TENM3: variants seen among roughly 807,000 people sequenced by gnomAD.
TENM3 encodes teneurin transmembrane protein 3, also known as teneurin-3.
In TENM3, 63 loss-of-function variants were observed where a neutral mutation model predicts 255.1. The ratio of observed to expected loss-of-function variants is 0.25; its 90% CI spans 0.20 to 0.30. TENM3 has a LOEUF of 0.30. TENM3 is among the 10% of genes least tolerant of loss of function. TENM3 has a pLI of 1.00. For missense variants in TENM3, 2,929 were observed against 3,461.1 expected (o/e 0.85, Z 3.86); for synonymous variants, 1,306 against 1,322.3 (o/e 0.99, Z 0.27).
the TENM3 span, among the ~76,000 whole-genome samples, chr4:181,667,123 T>C: frequency 2.0e-5 from 3 of 152,268 alleles, no homozygotes; most frequent in East Asian, 3.9e-4. Context: ...TAATTTTGCT[T>C]CTTCCTAGAT....
the TENM3 span, among the ~76,000 whole-genome samples, chr4:181,551,886 G>GTA: frequency 3.5e-5 from 4 of 113,726 alleles, no homozygotes; most frequent in South Asian, 2.6e-4. Context: ...GTGTGTGTGT[G>GTA]TGTATATAAA....
rs17072847 is a variant in TENM3, at chr4:182,198,644, T to C, written c.-76+53890T>C. 8.9e-3 allele frequency among the ~76,000 whole-genome samples: 1,359 copies of C among 152,300 alleles called. 34 individuals carry two copies. Among genetic ancestry groups the C allele is most frequent in the Admixed American group, 0.045 (692 of 15,296 alleles). ...AGCTGACAGGAAAAGTCAGCGGCAA[T>C]GGAAATAGGTGCAGGCGACCATTTC... On this transcript the variant is annotated intron_variant, in intron 1 of 2. Coordinates refer to the TENM3 transcript ENST00000512480.
chr4:182,567,842 CAAA>C (rs199801857), intron 3 of TENM3, among the ~76,000 whole-genome samples: 29 of 127,278 alleles, frequency 2.3e-4, no homozygotes, highest in African/African-American at 8.9e-4. Context: ...GAATGTAATC[CAAA>C]AAAAAAAAAA....
chr4:181,936,513 A>G, the TENM3 span, among the ~76,000 whole-genome samples: 2 of 152,288 alleles, frequency 1.3e-5, no homozygotes, highest in Non-Finnish European at 2.9e-5. Flanking sequence ...CTCTTTCAAT[A>G]ACCATTTCTT....
chr4:182,210,186 G>A (rs529330031), intron 1 of TENM3, among the ~76,000 whole-genome samples: 2 of 152,186 alleles, frequency 1.3e-5, no homozygotes, highest in Admixed American at 6.5e-5. Context: ...CGGTCACACC[G>A]ACACCATCAG....
chr4:182,213,473 A>C (rs1465326710), intron 1 of TENM3, among the ~76,000 whole-genome samples: 1 of 152,246 alleles, frequency 6.6e-6, no homozygotes, highest in Non-Finnish European at 1.5e-5. Context: ...AAAGAAATTA[A>C]GATAGCCTTT....
At chr4:181,544,603 T>G in the TENM3 span, among the ~76,000 whole-genome samples, 2 of 152,184 alleles carry the variant, frequency 1.3e-5, no homozygotes, top group Non-Finnish European at 2.9e-5. Context: ...CAAACATATT[T>G]TAATATTAGT....
chr4:181,548,842 A>G, the TENM3 span, among the ~76,000 whole-genome samples: 1 of 152,092 alleles, frequency 6.6e-6, no homozygotes, highest in Non-Finnish European at 1.5e-5. Context: ...CATTTGTGAT[A>G]TTAAAAGTAT....
At chr4:181,766,019 C>A in the TENM3 span, among the ~76,000 whole-genome samples, 6 of 152,080 alleles carry the variant, frequency 3.9e-5, no homozygotes, top group Non-Finnish European at 7.4e-5. Flanking sequence ...TAGTTTATAT[C>A]AGAAAGAAAC....
chr4:182,476,834 A>G (rs1286981955), intron 3 of TENM3, among the ~76,000 whole-genome samples: 3 of 152,174 alleles, frequency 2.0e-5, no homozygotes, highest in Non-Finnish European at 4.4e-5. Context: ...ACAGGAGGTC[A>G]TTACTGACAT....
At chr4:181,739,221 A>T in the TENM3 span, among the ~76,000 whole-genome samples, 5 of 152,204 alleles carry the variant, frequency 3.3e-5, no homozygotes, top group Admixed American at 6.5e-5. Flanking sequence ...CAGGGGTCCA[A>T]TAATGATGTT....
intron 1 of TENM3, among the ~76,000 whole-genome samples, chr4:182,231,864 A>G (rs1477488274): frequency 1.3e-5 from 2 of 152,208 alleles, no homozygotes; most frequent in Non-Finnish European, 2.9e-5. Flanking sequence ...AGCCATTTCT[A>G]AAGATCTGGG....
rs1766241894 is a variant in TENM3 at position 182,793,213 on chromosome 4, A to C, written c.6541A>C (p.Ile2181Leu). ...CCTTCGCTATGACCTGCGAGACAGA[A>C]TCACTCGACTGGGTGATGTTCAATA... The part of the protein sequence containing the change: ...TPLRYDLRDR[I>L]TRLGDVQYRL... The change falls in exon 26 of 28, where the codon ATC becomes CTC. Residue 2181 changes from isoleucine (I) to leucine (L), a missense_variant. Ile to Leu is a conservative substitution (Grantham distance 5, BLOSUM62 2). This residue lies in a region of TENM3 where 256 missense variants were observed against 389.3 expected (regional missense o/e 0.66). Coordinates refer to ENST00000511685, the MANE Select transcript of TENM3 (RefSeq NM_001080477.4). This position sits in a 1 kb window ranked among gnomAD's most constrained non-coding sequence, Gnocchi z 5.7. 1 of 1,613,924 alleles carries C rather than the reference A, an allele frequency of 6.2e-7. No homozygotes were observed.
chr4:182,598,976 T>C (rs542939926), intron 3 of TENM3, among the ~76,000 whole-genome samples: 1 of 152,364 alleles, frequency 6.6e-6, no homozygotes, highest in East Asian at 1.9e-4. Flanking sequence ...CATGGAGTCA[T>C]CTGACCCATA....
chr4:182,182,660 G>T (rs1167436825), intron 1 of TENM3, among the ~76,000 whole-genome samples: 1 of 152,156 alleles, frequency 6.6e-6, no homozygotes, highest in Non-Finnish European at 1.5e-5. Context: ...TAGACGCCCT[G>T]AGTTATCAGC....
the TENM3 span, among the ~76,000 whole-genome samples, chr4:181,516,759 A>G: frequency 2.0e-5 from 3 of 148,268 alleles, no homozygotes; most frequent in Non-Finnish European, 4.5e-5. Context: ...CTGGGCAACA[A>G]GGGCGAAACT....
At chr4:181,806,830 C>A in the TENM3 span, among the ~76,000 whole-genome samples, 5 of 152,224 alleles carry the variant, frequency 3.3e-5, no homozygotes, top group African/African-American at 9.6e-5. Flanking sequence ...AGGGCCTTTG[C>A]TTCCATGGGC....
intron 1 of TENM3, among the ~76,000 whole-genome samples, chr4:182,150,519 C>T (rs2149577254): frequency 6.6e-6 from 1 of 151,716 alleles, no homozygotes; most frequent in Admixed American, 6.6e-5. Flanking sequence ...TATACAGTTG[C>T]TTATACTGAT....
At chr4:182,423,579 T>G (rs949765098) in intron 3 of TENM3, among the ~76,000 whole-genome samples, 2 of 152,130 alleles carry the variant, frequency 1.3e-5, no homozygotes, top group South Asian at 4.1e-4. Flanking sequence ...GAGCACTAGA[T>G]GAGAGAACAA....
Sources: allele counts gnomAD v4.1 joint callset (sites outside exome capture counted in the v4.1 genomes callset), GRCh38; gene constraint gnomAD v4.1.1; regional missense constraint gnomAD v4.1.1; non-coding constraint Gnocchi (gnomAD v3.1); transcripts MANE v1.5; gene names NCBI Gene and HGNC (gene_info 2026-07-23, HGNC 2026-07-21).